Variants in ACAD11 observed in about 807,000 individuals in gnomAD.
ACAD11 encodes the protein acyl-Coenzyme A dehydrogenase family, member 11.
A neutral mutation model predicts 102.2 loss-of-function variants in ACAD11; 83 were observed. That is an observed-to-expected ratio of 0.81 (90% CI 0.68 to 0.97). ACAD11 has a LOEUF of 0.97. Among genes scored for constraint, ACAD11 ranks in the 50% least tolerant of loss-of-function variants. ACAD11 has a pLI of 0.00. For missense variants in ACAD11, 901 were observed against 951.7 expected, an observed-to-expected ratio of 0.95 and a Z score of 0.70; for synonymous variants, 324 against 319.8, an observed-to-expected ratio of 1.01 and a Z score of -0.14.
Position 132,604,838 on chromosome 3 carries a change from A to G in ACAD11, c.1522+260T>C, listed in dbSNP as rs150114241. ...AGTAATGACATCAAAAAATTGTGAAACTAAGTTTACTCTGCTACTAATGCT... is the reference window on the plus strand; with the variant it reads ...AGTAATGACATCAAAAAATTGTGAAGCTAAGTTTACTCTGCTACTAATGCT... On this transcript the variant is annotated intron_variant, in intron 12 of 19. Transcript: ENST00000264990. 3.9e-5 allele frequency among the ~76,000 whole-genome samples: 6 copies of G among 152,310 alleles called. No homozygotes were observed. In the East Asian group the frequency reaches 1.2e-3, roughly 29 times the overall value.
At chr3:132,640,666 C>T (rs566593444) in intron 4 of ACAD11, among the ~76,000 whole-genome samples, 8 of 152,246 alleles carry the variant, frequency 5.3e-5, no homozygotes, top group Non-Finnish European at 1.2e-4. Context: ...AAGCCACTTA[C>T]TTGTGTATTA....
intron 5 of ACAD11, among the ~76,000 whole-genome samples, chr3:132,632,173 T>A (rs932872068): frequency 3.3e-5 from 5 of 151,456 alleles, no homozygotes; most frequent in Non-Finnish European, 7.4e-5. Flanking sequence ...AAGCTCCGCC[T>A]CCCGGGTTCA....
chr3:132,605,272 T>G lies in ACAD11; in HGVS notation c.1415-67A>C, dbSNP rs1938793471. 5.3e-6 allele frequency: 6 copies of G among 1,135,136 alleles called. No homozygotes were observed. The Admixed American group carries it at 1.1e-4, about 21-fold the overall frequency. 70.3% of individuals were successfully genotyped at this position (1,135,136 alleles called of 1,614,324 possible). On this transcript the variant is annotated intron_variant, in intron 11 of 19. Coordinates refer to ENST00000264990, the MANE Select transcript of ACAD11 (RefSeq NM_032169.5). The stretch of plus-strand genomic sequence containing the variant: ...TATCAGTATGAAATCCACAACTTTA[T>G]GTAGAGAGTATAGAAATGCATCTTT...
At chr3:132,603,517 G>A (rs1226848616) in intron 12 of ACAD11, among the ~76,000 whole-genome samples, 190 bp from the exon 13 acceptor site, 1 of 152,216 alleles carries the variant, frequency 6.6e-6, no homozygotes, top group Non-Finnish European at 1.5e-5. Flanking sequence ...ATGAGTGAAT[G>A]AATGAAGTAT....
rs1243283210 is a variant in ACAD11 at position 132,601,902 on chromosome 3, C to G, written c.1621+1327G>C. On this transcript the variant is annotated intron_variant, in intron 13 of 19. Transcript: ENST00000264990. ...TGGGTGAAGGGTACCCAGGACCACT[C>G]TGTACCATCTTTGTAACTTCCTGTG... The G allele has an allele frequency of 3.1e-5, 6 of 191,974 alleles. 1 individual carries two copies. In the South Asian group the frequency reaches 6.8e-4, roughly 22 times the overall value. 11.9% of individuals were successfully genotyped at this position (191,974 alleles called of 1,614,324 possible). A position where few individuals can be genotyped will look rare whatever the true frequency, so the allele number is the denominator to read the frequency against.
rs1936939078 is a variant in ACAD11, at chr3:132,558,204, C to CT, written c.*766dup. 1 of 152,116 alleles carries CT rather than the reference C, an allele frequency of 6.6e-6. No homozygotes were observed. Among genetic ancestry groups the CT allele is most frequent in the Non-Finnish European group, 1.5e-5 (1 of 68,006 alleles). The allele number at this position is 152,116 out of a possible 1,614,324, so 9.4% of individuals were successfully genotyped here. Reference sequence around the variant, plus strand: ...AACAATCCTGTCTTCTAAATCACAACTTTTCGAGTTACAAGATTTATCCAC... The same window carrying CT: ...AACAATCCTGTCTTCTAAATCACAACTTTTTCGAGTTACAAGATTTATCCAC... On this transcript the variant is annotated 3_prime_UTR_variant, in exon 20 of 20. Coordinates refer to ENST00000264990, the MANE Select transcript of ACAD11 (RefSeq NM_032169.5).
intron 17 of ACAD11, among the ~76,000 whole-genome samples, chr3:132,562,144 G>A (rs539190904): frequency 7.0e-4 from 107 of 152,204 alleles, no homozygotes; most frequent in Admixed American, 1.8e-3. Flanking sequence ...TGGCTCTGTC[G>A]CCCAGGCTGG....
chr3:132,585,043 C>T (rs2107800872), intron 13 of ACAD11, among the ~76,000 whole-genome samples: 1 of 152,264 alleles, frequency 6.6e-6, no homozygotes, highest in Middle Eastern at 3.4e-3. Context: ...CCAAGTCAAT[C>T]CTAAGCCAAA....
chr3:132,585,630 A>G (rs1289073874), intron 13 of ACAD11, among the ~76,000 whole-genome samples: 2 of 152,218 alleles, frequency 1.3e-5, no homozygotes, highest in African/African-American at 4.8e-5. Flanking sequence ...CAATGAACTC[A>G]AACAAATTTA....
intron 5 of ACAD11, among the ~76,000 whole-genome samples, chr3:132,637,191 T>C (rs952056687): frequency 7.9e-5 from 12 of 151,960 alleles, no homozygotes; most frequent in Non-Finnish European, 1.5e-4. Context: ...AAAAGTAAAA[T>C]AATAATAATA....
intron 14 of ACAD11, chr3:132,579,125 G>GT: frequency 7.6e-7 from 1 of 1,309,922 alleles, no homozygotes; most frequent in South Asian, 1.3e-5. Flanking sequence ...CTCAACAATG[G>GT]TAACTGGGAA....
intron 11 of ACAD11, 59 bp from the exon 12 acceptor site, chr3:132,605,264 C>T (rs41272315): frequency 0.01 from 13,183 of 1,261,602 alleles, 103 homozygotes; most frequent in Non-Finnish European, 0.013. Context: ...ATGAAATCCA[C>T]AACTTTATGT....
intron 13 of ACAD11, among the ~76,000 whole-genome samples, chr3:132,594,080 A>T (rs1938197516): frequency 2.6e-5 from 4 of 152,210 alleles, no homozygotes; most frequent in Admixed American, 2.0e-4. Flanking sequence ...TTTCACCATG[A>T]TTCATACACT....
In ACAD11 at chr3:132,564,887, G is replaced by T. The variant is rs781609499; in HGVS notation, c.2002-3670C>A. ...TCAGGTCCAAAAGAATAACCTAGTG[G>T]TGTGTTTCCTAGGTTTTCTTTTTGC... On this transcript the variant is annotated intron_variant, in intron 17 of 19. Coordinates refer to ENST00000264990, the MANE Select transcript of ACAD11 (RefSeq NM_032169.5). Among the ~76,000 whole-genome samples, 126 of 152,154 alleles carry T rather than the reference G, an allele frequency of 8.3e-4. 1 individual carries two copies. The highest frequency in any genetic ancestry group is 9.1e-4 in the Non-Finnish European group (62 of 68,032).
intron 13 of ACAD11, among the ~76,000 whole-genome samples, chr3:132,593,688 T>G (rs1938177622): frequency 6.6e-6 from 1 of 152,130 alleles, no homozygotes; most frequent in Non-Finnish European, 1.5e-5. Flanking sequence ...GTGGATTGTT[T>G]GAGTCTAGGA....
intron 1 of ACAD11, among the ~76,000 whole-genome samples, chr3:132,653,911 T>C (rs1193346156): frequency 6.6e-6 from 1 of 152,204 alleles, no homozygotes; most frequent in African/African-American, 2.4e-5. Flanking sequence ...AAATATCTTC[T>C]TTTTGTCGAT....
chr3:132,591,786 G>T (rs76715377), intron 13 of ACAD11, among the ~76,000 whole-genome samples: 5,143 of 152,146 alleles, frequency 0.034, 143 homozygotes, highest in South Asian at 0.072. Context: ...AGCTACTCGG[G>T]ATGTTGAGAT....
intron 17 of ACAD11, among the ~76,000 whole-genome samples, chr3:132,566,141 T>C (rs1937202180): frequency 6.6e-6 from 1 of 151,486 alleles, no homozygotes; most frequent in Admixed American, 6.6e-5. Flanking sequence ...AAAAACCAAA[T>C]GGGTATTTTA....
At chr3:132,609,836 T>G (rs895155823) in intron 11 of ACAD11, among the ~76,000 whole-genome samples, 4 of 152,104 alleles carry the variant, frequency 2.6e-5, no homozygotes, top group African/African-American at 7.2e-5. Flanking sequence ...AAAAGAAAAT[T>G]TCAGGCCAAT....
Sources: gnomAD v4.1 joint callset for allele counts (sites outside exome capture counted in the v4.1 genomes callset) on GRCh38, gnomAD v4.1.1 for gene constraint, MANE v1.5 for transcripts, NCBI Gene and HGNC (gene_info 2026-07-23, HGNC 2026-07-21) for gene names.